CHSY3: variants seen among roughly 807,000 people sequenced by gnomAD.
CHSY3 encodes the protein chondroitin sulfate synthase 3.
Under a neutral mutation model 67.2 loss-of-function variants are expected in CHSY3, and 35 were observed. The observed-to-expected ratio is 0.52, with a 90% CI of 0.40 to 0.69. The LOEUF is 0.69. Among genes scored for constraint, CHSY3 ranks in the 30% least tolerant of loss-of-function variants. The probability of loss-of-function intolerance (pLI) is 0.00; values close to 1 mark genes in which losing one functional copy is unlikely to be tolerated. For missense variants in CHSY3, 1,069 were observed against 1,138.5 expected (o/e 0.94, Z 0.88); for synonymous variants, 474 against 434.7 (o/e 1.09, Z -1.12).
intron 2 of CHSY3, among the ~76,000 whole-genome samples, chr5:129,937,156 A>G (rs943169606): frequency 2.6e-5 from 4 of 152,176 alleles, no homozygotes; most frequent in African/African-American, 9.6e-5. Flanking sequence ...GGTAATTTAT[A>G]AAGAGAAGAG....
intron 2 of CHSY3, among the ~76,000 whole-genome samples, chr5:129,943,768 T>G (rs764748816): frequency 6.6e-6 from 1 of 152,216 alleles, no homozygotes. Flanking sequence ...CATCCACATA[T>G]AGATAGTATT....
rs1261951133 is a variant in CHSY3 at position 129,908,115 on chromosome 5, A to G, written c.841A>G (p.Ser281Gly). The change falls in exon 2 of 3, where the codon AGT becomes GGT. Residue 281 changes from serine to glycine, a missense_variant. Ser to Gly is a moderately conservative substitution (Grantham distance 56). Transcript: ENST00000305031. ...AGAGTTTCTTAGATCGCTAAACAGC[A>G]GTAAGCCTCTCTACCTGGGACAGAC... ...LEEFLRSLNSSKPLYLGQTGL... is the reference protein window; with the variant it reads ...LEEFLRSLNSGKPLYLGQTGL... 1.2e-6 allele frequency: 2 copies of G among 1,614,174 alleles called. No homozygotes were observed. Among genetic ancestry groups the G allele is most frequent in the Non-Finnish European group, 1.7e-6 (2 of 1,180,014 alleles).
chr5:129,906,528 C>A (rs1760308469), intron 1 of CHSY3, among the ~76,000 whole-genome samples: 1 of 152,136 alleles, frequency 6.6e-6, no homozygotes, highest in African/African-American at 2.4e-5. Flanking sequence ...CAAGAAAAAA[C>A]TTTTTTTGTC....
intron 2 of CHSY3, among the ~76,000 whole-genome samples, chr5:130,181,328 A>G (rs1273841765): frequency 1.1e-4 from 17 of 152,298 alleles, no homozygotes; most frequent in African/African-American, 3.4e-4. Flanking sequence ...CAATTTCGCT[A>G]TGTTCAAAAT....
At chr5:130,115,179 G>A (rs144307559) in intron 2 of CHSY3, among the ~76,000 whole-genome samples, 2 of 151,906 alleles carry the variant, frequency 1.3e-5, no homozygotes, top group African/African-American at 2.4e-5. Context: ...AATGATTGCA[G>A]AGTATTTTTT....
chr5:130,160,965 C>T (rs1157883853), intron 2 of CHSY3, among the ~76,000 whole-genome samples: 6 of 148,982 alleles, frequency 4.0e-5, no homozygotes, highest in South Asian at 4.3e-4. Flanking sequence ...AGTGCAGTGG[C>T]GCGATCTCGG....
intron 2 of CHSY3, among the ~76,000 whole-genome samples, chr5:129,913,265 A>G (rs1166706257): frequency 2.0e-5 from 3 of 152,198 alleles, no homozygotes; most frequent in African/African-American, 7.2e-5. Flanking sequence ...CCTGGCTTAC[A>G]TAGGCATAAA....
intron 2 of CHSY3, among the ~76,000 whole-genome samples, chr5:130,044,355 A>G (rs575848041): frequency 5.3e-4 from 81 of 152,192 alleles, no homozygotes; most frequent in African/African-American, 1.3e-3. Context: ...AAGCATCATC[A>G]TTGATTTTGA....
At chr5:130,048,666 T>G (rs1483090589) in intron 2 of CHSY3, among the ~76,000 whole-genome samples, 1 of 152,068 alleles carries the variant, frequency 6.6e-6, no homozygotes, top group Non-Finnish European at 1.5e-5. Flanking sequence ...TGCCTGCATC[T>G]TTCTCCACTT....
At chr5:129,991,277 T>G (rs1216092191) in intron 2 of CHSY3, among the ~76,000 whole-genome samples, 1 of 152,114 alleles carries the variant, frequency 6.6e-6, no homozygotes, top group African/African-American at 2.4e-5. Context: ...AGTAGTAATC[T>G]CGATGAGAGA....
chr5:130,059,402 T>TCG (rs1402418793), intron 2 of CHSY3, among the ~76,000 whole-genome samples: 1 of 149,070 alleles, frequency 6.7e-6, no homozygotes, highest in African/African-American at 2.6e-5. Flanking sequence ...TCTCTCTCTC[T>TCG]CTCTCGCTCT....
At chr5:130,045,872 G>C (rs1220603231) in intron 2 of CHSY3, among the ~76,000 whole-genome samples, 2 of 152,026 alleles carry the variant, frequency 1.3e-5, no homozygotes, top group African/African-American at 4.8e-5. Context: ...AAACTTGATT[G>C]CTATGGTAAT....
At chr5:130,060,344 G>A (rs183848394) in intron 2 of CHSY3, among the ~76,000 whole-genome samples, 69 of 152,170 alleles carry the variant, frequency 4.5e-4, no homozygotes, top group Non-Finnish European at 8.8e-5. Context: ...TGCAGAAAAG[G>A]CATTCGATAA....
At chr5:130,181,541 A>G (rs1470344164) in intron 2 of CHSY3, among the ~76,000 whole-genome samples, 1 of 152,194 alleles carries the variant, frequency 6.6e-6, no homozygotes, top group South Asian at 2.1e-4. Context: ...TTCTATGTGC[A>G]TATATATGCA....
intron 2 of CHSY3, among the ~76,000 whole-genome samples, chr5:129,962,660 T>C (rs1762365616): frequency 6.6e-6 from 1 of 152,058 alleles, no homozygotes; most frequent in African/African-American, 2.4e-5. Flanking sequence ...CTCTGCTCTC[T>C]GCTCTCCAAC....
intron 2 of CHSY3, among the ~76,000 whole-genome samples, chr5:130,131,771 A>T (rs1277412892): frequency 6.6e-6 from 1 of 152,132 alleles, no homozygotes; most frequent in Non-Finnish European, 1.5e-5. Flanking sequence ...CTAGAATGTA[A>T]GCTTCATAAT....
At chr5:130,067,875 T>C (rs530399712) in intron 2 of CHSY3, among the ~76,000 whole-genome samples, 1 of 152,276 alleles carries the variant, frequency 6.6e-6, no homozygotes, top group Non-Finnish European at 1.5e-5. Context: ...TGATTTAATG[T>C]TACATAGGTT....
intron 2 of CHSY3, among the ~76,000 whole-genome samples, chr5:129,972,768 C>T (rs1259322707): frequency 6.6e-6 from 1 of 152,030 alleles, no homozygotes; most frequent in Non-Finnish European, 1.5e-5. Flanking sequence ...GGGAAACCAT[C>T]TTTATTTCTT....
At chr5:130,143,808 G>GTATA (rs1480395759) in intron 2 of CHSY3, among the ~76,000 whole-genome samples, 26 of 34,048 alleles carry the variant, frequency 7.6e-4, no homozygotes, top group South Asian at 2.8e-3. Flanking sequence ...ATATATATGT[G>GTATA]TGTATATATA....
Sources: allele counts gnomAD v4.1 joint callset (sites outside exome capture counted in the v4.1 genomes callset), GRCh38; gene constraint gnomAD v4.1.1; transcripts MANE v1.5; gene names NCBI Gene and HGNC (gene_info 2026-07-23, HGNC 2026-07-21).